Variants in GPD2 observed in about 807,000 individuals in gnomAD.
GPD2 encodes glycerol-3-phosphate dehydrogenase 2, also known as glycerol-3-phosphate dehydrogenase, mitochondrial.
A neutral mutation model predicts 82.4 loss-of-function variants in GPD2; 54 were observed. The ratio of observed to expected loss-of-function variants is 0.66; its 90% CI spans 0.53 to 0.82. The LOEUF (loss-of-function observed/expected upper bound fraction) is 0.82, where lower values mean the gene tolerates loss of function less well. GPD2 is among the 40% of genes least tolerant of loss of function. The pLI, the probability that GPD2 is intolerant of heterozygous loss-of-function variation, is 0.00. For synonymous variants in GPD2, 288 were observed against 306.1 expected (o/e 0.94, Z 0.62); for missense variants, 748 against 896.2 (o/e 0.83, Z 2.11).
chr2:156,496,135 A>C lies in GPD2; in HGVS notation c.194A>C (p.Gln65Pro), dbSNP rs1429238080. ...PSREAQLLTL[Q>P]NTSEFDILVI... Reference sequence around the variant, plus strand: ...AGAGAAGCTCAGCTACTGACTTTGCAAAACACATCTGAATTTGATATCCTT... The same window carrying C: ...AGAGAAGCTCAGCTACTGACTTTGCCAAACACATCTGAATTTGATATCCTT... The change falls in exon 3 of 17, where the codon CAA becomes CCA. Residue 65 changes from glutamine to proline, a missense_variant. Gln to Pro is a moderately conservative substitution (Grantham distance 76). Around this residue, in one of 3 missense-constraint regions of GPD2, gnomAD observed 692 missense variants for 809.7 expected, o/e 0.85. Coordinates refer to ENST00000438166, the MANE Select transcript of GPD2 (RefSeq NM_000408.5). 1 of 1,613,128 alleles carries C rather than the reference A, an allele frequency of 6.2e-7. No homozygotes were observed. Among genetic ancestry groups the C allele is most frequent in the African/African-American group, 1.3e-5 (1 of 75,036 alleles).
At chr2:156,544,354 C>T (rs1236460155) in intron 6 of GPD2, among the ~76,000 whole-genome samples, 2 of 152,174 alleles carry the variant, frequency 1.3e-5, no homozygotes, top group African/African-American at 4.8e-5. Context: ...GCCTCTGTTT[C>T]TGTCACATTT....
intron 2 of GPD2, among the ~76,000 whole-genome samples, chr2:156,494,151 C>G (rs553364431): frequency 6.6e-6 from 1 of 152,054 alleles, no homozygotes; most frequent in Admixed American, 6.5e-5. Flanking sequence ...GGTTTGGTGT[C>G]AGAATTTGTA....
chr2:156,512,155 A>C lies in GPD2; in HGVS notation c.400-65A>C, dbSNP rs1045290679. On this transcript the variant is annotated intron_variant, in intron 4 of 16. Coordinates refer to ENST00000438166, the MANE Select transcript of GPD2 (RefSeq NM_000408.5). ...GTATCAATCAGTTGGCAGGGTGTCT[A>C]TTTGCCATTTGAAAATATTATGATC... The C allele has an allele frequency of 6.4e-5, 53 of 822,054 alleles. No individual in the cohort carries two copies. The South Asian group carries it at 6.8e-4, about 11-fold the overall frequency. The allele number at this position is 822,054 out of a possible 1,614,324, so 50.9% of individuals were successfully genotyped here.
In GPD2 at chr2:156,444,499, G is replaced by A. The variant is rs757907553; in HGVS notation, c.-9+7986G>A. ...AGGCCGAGGCAGGTGGATTGCTTGAGGCCAGGAGTTTGAGACCAGCCTGGC... is the reference window on the plus strand; with the variant it reads ...AGGCCGAGGCAGGTGGATTGCTTGAAGCCAGGAGTTTGAGACCAGCCTGGC... On this transcript the variant is annotated intron_variant, in intron 1 of 16. Coordinates refer to ENST00000438166, the MANE Select transcript of GPD2 (RefSeq NM_000408.5). Among the ~76,000 whole-genome samples the A allele has an allele frequency of 1.2e-4, 19 of 152,078 alleles. 1 individual carries two copies. The highest frequency in any genetic ancestry group is 2.5e-4 in the Non-Finnish European group (17 of 68,018).
intron 6 of GPD2, among the ~76,000 whole-genome samples, chr2:156,518,281 C>A (rs1685270992): frequency 6.6e-6 from 1 of 152,164 alleles, no homozygotes; most frequent in Non-Finnish European, 1.5e-5. Flanking sequence ...TCCCTGGCTC[C>A]TGGAGGTAAA....
At chr2:156,497,501 A>G (rs1684428543) in intron 3 of GPD2, among the ~76,000 whole-genome samples, 1 of 152,196 alleles carries the variant, frequency 6.6e-6, no homozygotes, top group African/African-American at 2.4e-5. Context: ...TATTTATTAT[A>G]TTTTAACACT....
At chr2:156,560,446 T>A (rs1371104374) in intron 9 of GPD2, among the ~76,000 whole-genome samples, 1 of 152,214 alleles carries the variant, frequency 6.6e-6, no homozygotes, top group Non-Finnish European at 1.5e-5. Flanking sequence ...GTCTTCCTCC[T>A]GGTGATCTGG....
the GPD2 span, among the ~76,000 whole-genome samples, chr2:156,403,607 C>T: frequency 1.1e-5 from 1 of 91,720 alleles, no homozygotes; most frequent in Non-Finnish European, 2.3e-5. Context: ...CAAAAGCATT[C>T]AAAGGGTGTG....
chr2:156,568,821 C>G lies in GPD2; in HGVS notation c.1166-4C>G, dbSNP rs749606271. 4 of 1,611,444 alleles carry G rather than the reference C, an allele frequency of 2.5e-6. No homozygotes were observed. Among genetic ancestry groups the G allele is most frequent in the South Asian group, 1.1e-5 (1 of 91,032 alleles). On this transcript the variant is annotated splice_polypyrimidine_tract_variant and splice_region_variant and intron_variant, in intron 9 of 16. Transcript: ENST00000438166. ...TCATAACCCTTGGCATTGATTCCTA[C>G]CAGTGAGAAGAGGGGATGTCCTGGC...
At chr2:156,440,627 A>G (rs903252903) in intron 1 of GPD2, among the ~76,000 whole-genome samples, 1 of 152,192 alleles carries the variant, frequency 6.6e-6, no homozygotes, top group Non-Finnish European at 1.5e-5. Flanking sequence ...ATTTTTCAGT[A>G]GAGAATTTTA....
At chr2:156,487,187 T>C (rs1317884422) in intron 2 of GPD2, among the ~76,000 whole-genome samples, 1 of 151,938 alleles carries the variant, frequency 6.6e-6, no homozygotes, top group Non-Finnish European at 1.5e-5. Flanking sequence ...GGGGCGCCTG[T>C]AATCCCAGCT....
chr2:156,401,019 A>G, the GPD2 span, among the ~76,000 whole-genome samples: 1 of 152,348 alleles, frequency 6.6e-6, no homozygotes, highest in Non-Finnish European at 1.5e-5. Context: ...TCGAAGTAAA[A>G]GTGAAATAGG....
intron 6 of GPD2, among the ~76,000 whole-genome samples, chr2:156,540,823 G>T (rs1254170568): frequency 6.6e-6 from 1 of 152,160 alleles, no homozygotes; most frequent in Non-Finnish European, 1.5e-5. Flanking sequence ...GAGAGAAAAG[G>T]AGTAAAAGAA....
At chr2:156,483,250 T>C (rs766884489) in intron 2 of GPD2, among the ~76,000 whole-genome samples, 2 of 152,246 alleles carry the variant, frequency 1.3e-5, no homozygotes, top group Admixed American at 6.5e-5. Flanking sequence ...GTGTCTGTTA[T>C]GTGAATGTGG....
rs182812775 is a variant in GPD2, at chr2:156,476,049, C to T, written c.-8-49C>T. 26 of 901,046 alleles carry T rather than the reference C, an allele frequency of 2.9e-5. No individual in the cohort carries two copies. The East Asian group carries it at 3.8e-4, about 13-fold the overall frequency. The allele number at this position is 901,046 out of a possible 1,614,324, so 55.8% of individuals were successfully genotyped here. On this transcript the variant is annotated intron_variant, in intron 1 of 16. Coordinates refer to ENST00000438166, the MANE Select transcript of GPD2 (RefSeq NM_000408.5). Reference sequence around the variant, plus strand: ...GTGTCTTATTATTGGGATGGTTATGCGATAACTATCCCAATTAACTTCTTT... The same window carrying T: ...GTGTCTTATTATTGGGATGGTTATGTGATAACTATCCCAATTAACTTCTTT...
the GPD2 span, among the ~76,000 whole-genome samples, chr2:156,427,054 G>A: frequency 6.6e-6 from 1 of 152,226 alleles, no homozygotes; most frequent in South Asian, 2.1e-4. Context: ...GGGAGTTCTA[G>A]AGCATATATG....
Position 156,584,561 on chromosome 2 carries a change from C to T in GPD2, c.*1643C>T, listed in dbSNP as rs1688148481. On this transcript the variant is annotated 3_prime_UTR_variant, in exon 17 of 17. Coordinates refer to ENST00000438166, the MANE Select transcript of GPD2 (RefSeq NM_000408.5). ...CAGAAACTGCAGAGAAAGACAGCAT[C>T]TTAGCTCATTTTGTTTTTAAATGAG... 1 of 152,420 alleles carries T rather than the reference C, an allele frequency of 6.6e-6. No individual in the cohort carries two copies. The highest frequency in any genetic ancestry group is 2.4e-5 in the African/African-American group (1 of 41,422). The allele number at this position is 152,420 out of a possible 1,614,324, so 9.4% of individuals were successfully genotyped here. A position where few individuals can be genotyped will look rare whatever the true frequency, so the allele number is the denominator to read the frequency against.
At chr2:156,472,322 T>A (rs72893399) in intron 1 of GPD2, among the ~76,000 whole-genome samples, 5,689 of 152,268 alleles carry the variant, frequency 0.037, 143 homozygotes, top group Middle Eastern at 0.068. Flanking sequence ...AGTTCTTTTT[T>A]AAATTTTTTA....
intron 2 of GPD2, among the ~76,000 whole-genome samples, chr2:156,489,702 TC>T (rs1369099492): frequency 2.7e-5 from 3 of 113,030 alleles, no homozygotes; most frequent in African/African-American, 1.1e-4. Context: ...CTTCCTTCCT[TC>T]CTTCCTTCCT....
Sources: gnomAD v4.1 joint callset for allele counts (sites outside exome capture counted in the v4.1 genomes callset) on GRCh38, gnomAD v4.1.1 for gene constraint, gnomAD v4.1.1 regional missense constraint, MANE v1.5 for transcripts, NCBI Gene and HGNC (gene_info 2026-07-23, HGNC 2026-07-21) for gene names.